PDZRN3: variants seen among roughly 807,000 people sequenced by gnomAD.
PDZRN3 encodes E3 ubiquitin-protein ligase PDZRN3.
In PDZRN3, 38 loss-of-function variants were observed where a neutral mutation model predicts 85.7. The observed-to-expected ratio is 0.44, with a 90% CI of 0.34 to 0.58. The LOEUF (loss-of-function observed/expected upper bound fraction) is 0.58. Among genes scored for constraint, PDZRN3 ranks in the 20% least tolerant of loss-of-function variants. The probability of loss-of-function intolerance (pLI) is 0.01; values close to 1 mark genes in which losing one functional copy is unlikely to be tolerated. For synonymous variants in PDZRN3, 759 were observed against 638.0 expected, an observed-to-expected ratio of 1.19 and a Z score of -2.86; for missense variants, 1,629 against 1,506.4, an observed-to-expected ratio of 1.08 and a Z score of -1.35.
intron 3 of PDZRN3, among the ~76,000 whole-genome samples, chr3:73,497,241 G>A (rs1703883966): frequency 6.6e-6 from 1 of 152,078 alleles, no homozygotes; most frequent in Non-Finnish European, 1.5e-5. Flanking sequence ...TACATTTGGA[G>A]AGCAGTAACA....
intron 3 of PDZRN3, among the ~76,000 whole-genome samples, chr3:73,557,236 C>G (rs943437908): frequency 6.6e-6 from 1 of 152,094 alleles, no homozygotes; most frequent in East Asian, 1.9e-4. Flanking sequence ...TTCCTGAACT[C>G]AAAAACAGCT....
intron 3 of PDZRN3, among the ~76,000 whole-genome samples, chr3:73,476,163 C>G (rs1703444982): frequency 6.6e-6 from 1 of 152,156 alleles, no homozygotes; most frequent in African/African-American, 2.4e-5. Flanking sequence ...CTATAAGGAA[C>G]TACCTGAGAC....
intron 3 of PDZRN3, among the ~76,000 whole-genome samples, chr3:73,467,300 A>G (rs1443178387): frequency 2.0e-5 from 3 of 152,224 alleles, no homozygotes; most frequent in African/African-American, 7.2e-5. Flanking sequence ...ACTGGAATCT[A>G]CCCAGGTGAA....
chr3:73,419,191 T>G (rs971988925), intron 3 of PDZRN3, among the ~76,000 whole-genome samples: 3 of 152,138 alleles, frequency 2.0e-5, no homozygotes, highest in African/African-American at 7.2e-5. Flanking sequence ...GATAATGCAA[T>G]TAGAACTTGA....
At chr3:73,478,382 G>A (rs181549622) in intron 3 of PDZRN3, among the ~76,000 whole-genome samples, 43 of 152,252 alleles carry the variant, frequency 2.8e-4, no homozygotes, top group Admixed American at 2.7e-3. Flanking sequence ...CTCTGCTTAA[G>A]AGGGATCTAG....
intron 1 of PDZRN3, among the ~76,000 whole-genome samples, chr3:73,610,339 C>T (rs569302271): frequency 1.3e-5 from 2 of 152,274 alleles, no homozygotes; most frequent in East Asian, 3.9e-4. Context: ...TAATGACAGG[C>T]TATTGGTTTT....
intron 3 of PDZRN3, among the ~76,000 whole-genome samples, chr3:73,570,452 T>C (rs1702029507): frequency 6.6e-6 from 1 of 152,214 alleles, no homozygotes; most frequent in Non-Finnish European, 1.5e-5. Context: ...TTTGGTGTTC[T>C]GCTATGTGGC....
intron 5 of PDZRN3, among the ~76,000 whole-genome samples, chr3:73,398,402 A>G (rs1399700592): frequency 6.6e-6 from 1 of 152,202 alleles, no homozygotes; most frequent in Non-Finnish European, 1.5e-5. Flanking sequence ...CCTGTAGGTC[A>G]GGGGTCCTCT....
intron 3 of PDZRN3, among the ~76,000 whole-genome samples, chr3:73,597,486 T>C (rs1702447036): frequency 6.6e-6 from 1 of 152,130 alleles, no homozygotes. Context: ...GGCTTAAGTC[T>C]CCCACTTTCA....
intron 2 of PDZRN3, among the ~76,000 whole-genome samples, chr3:73,607,051 T>A (rs149700712): frequency 4.1e-4 from 63 of 152,228 alleles, no homozygotes; most frequent in African/African-American, 1.4e-3. Context: ...TCTGCTTACT[T>A]GCAGCTCCCC....
intron 3 of PDZRN3, among the ~76,000 whole-genome samples, chr3:73,442,672 G>A (rs890286767): frequency 2.0e-5 from 3 of 149,058 alleles, no homozygotes; most frequent in African/African-American, 5.1e-5. Flanking sequence ...AAAAAAATCA[G>A]CAGCAGTCGT....
chr3:73,384,737 T>C lies in PDZRN3; in HGVS notation c.1829A>G (p.Gln610Arg), dbSNP rs542095716. The change falls in exon 10 of 10, where the codon CAG becomes CGG. Residue 610 changes from glutamine to arginine, a missense_variant. Transcript: ENST00000263666. ...CAGGTCGCCGCTGCCCAAGGTGTCC[T>C]GGCTGCAGGTGAGCTTCCTCTGCCC... ...LAGQRKLTCSQDTLGSGDLPF... is the reference protein window; with the variant it reads ...LAGQRKLTCSRDTLGSGDLPF... The C allele has an allele frequency of 6.2e-7, 1 of 1,614,046 alleles. No individual in the cohort carries two copies. Among genetic ancestry groups the C allele is most frequent in the South Asian group, 1.1e-5 (1 of 91,086 alleles).
chr3:73,575,181 G>C (rs559040921), intron 3 of PDZRN3, among the ~76,000 whole-genome samples: 1 of 152,234 alleles, frequency 6.6e-6, no homozygotes, highest in African/African-American at 2.4e-5. Flanking sequence ...GAAGAACAGG[G>C]GTTTATAATT....
intron 3 of PDZRN3, among the ~76,000 whole-genome samples, chr3:73,519,838 G>C (rs545711648): frequency 3.5e-4 from 53 of 152,312 alleles, no homozygotes; most frequent in African/African-American, 1.2e-3. Flanking sequence ...ACCAGGGAGA[G>C]GGTCATATGT....
At chr3:73,533,630 CA>C (rs936491245) in intron 3 of PDZRN3, among the ~76,000 whole-genome samples, 1 of 151,918 alleles carries the variant, frequency 6.6e-6, no homozygotes, top group Non-Finnish European at 1.5e-5. Context: ...GATTATCCAC[CA>C]AATGTCCACA....
chr3:73,588,907 A>G (rs1057355934), intron 3 of PDZRN3, among the ~76,000 whole-genome samples: 1 of 152,252 alleles, frequency 6.6e-6, no homozygotes, highest in Non-Finnish European at 1.5e-5. Context: ...AATGCTAAAC[A>G]GGCTTCACTG....
chr3:73,386,854 G>C (rs1701403344), intron 8 of PDZRN3, among the ~76,000 whole-genome samples: 1 of 69,302 alleles, frequency 1.4e-5, no homozygotes, highest in Non-Finnish European at 2.8e-5. Context: ...GCCACTGTCT[G>C]TCTCTCGGCT....
At chr3:73,402,751 G>GAGTT (rs1233481419) in intron 4 of PDZRN3, among the ~76,000 whole-genome samples, 1 of 152,122 alleles carries the variant, frequency 6.6e-6, no homozygotes, top group Non-Finnish European at 1.5e-5. Flanking sequence ...TCCAGCTACT[G>GAGTT]AGTTACTAGT....
chr3:73,528,583 C>T (rs779881667), intron 3 of PDZRN3, among the ~76,000 whole-genome samples: 2 of 152,076 alleles, frequency 1.3e-5, no homozygotes, highest in South Asian at 2.1e-4. Context: ...TCAAATTCTG[C>T]TAATTTAAAC....
Sources: allele counts gnomAD v4.1 joint callset (sites outside exome capture counted in the v4.1 genomes callset), GRCh38; gene constraint gnomAD v4.1.1; transcripts MANE v1.5; gene names NCBI Gene and HGNC (gene_info 2026-07-23, HGNC 2026-07-21).